MMP16: variants seen among roughly 807,000 people sequenced by gnomAD.
MMP16 encodes the protein matrix metalloproteinase-16.
A neutral mutation model predicts 67.8 loss-of-function variants in MMP16; 12 were observed. The ratio of observed to expected loss-of-function variants is 0.18; its 90% CI spans 0.11 to 0.29. The LOEUF is 0.29. Among genes scored for constraint, MMP16 ranks in the 10% least tolerant of loss-of-function variants. The pLI is 1.00. For synonymous variants in MMP16, 249 were observed against 255.9 expected (o/e 0.97, Z 0.26); for missense variants, 475 against 765.7 (o/e 0.62, Z 4.48).
chr8:88,206,747 G>C (rs1293324589), intron 1 of MMP16, among the ~76,000 whole-genome samples: 1 of 152,164 alleles, frequency 6.6e-6, no homozygotes, highest in Non-Finnish European at 1.5e-5. Context: ...CCAGAAATAT[G>C]CTGTAGGAAC....
chr8:88,106,162 C>T (rs2118395846), intron 6 of MMP16, among the ~76,000 whole-genome samples: 1 of 151,022 alleles, frequency 6.6e-6, no homozygotes, highest in Non-Finnish European at 1.5e-5. Flanking sequence ...ACCCCAGAGA[C>T]ACTCAGTGTT....
chr8:88,174,269 T>C (rs931527371), intron 3 of MMP16, among the ~76,000 whole-genome samples: 2 of 152,196 alleles, frequency 1.3e-5, no homozygotes, highest in African/African-American at 4.8e-5. Flanking sequence ...ATCTGTCCCA[T>C]TGGCCATTTG....
chr8:88,253,133 A>G (rs1810251384), intron 1 of MMP16, among the ~76,000 whole-genome samples: 1 of 152,118 alleles, frequency 6.6e-6, no homozygotes, highest in Non-Finnish European at 1.5e-5. Context: ...TAGAAACACA[A>G]CTAGAATGCA....
At chr8:88,297,577 A>G (rs1263681538) in intron 1 of MMP16, among the ~76,000 whole-genome samples, 4 of 152,214 alleles carry the variant, frequency 2.6e-5, no homozygotes, top group Non-Finnish European at 5.9e-5. Flanking sequence ...GGTCTGCCAG[A>G]GAGGGTCTTG....
chr8:88,206,275 CTA>C (rs1480569804), intron 1 of MMP16, among the ~76,000 whole-genome samples: 1 of 152,104 alleles, frequency 6.6e-6, no homozygotes, highest in African/African-American at 2.4e-5. Flanking sequence ...CAAACTGAAA[CTA>C]TATATAGAAA....
chr8:88,098,752 A>G (rs916939512), intron 6 of MMP16, among the ~76,000 whole-genome samples: 1 of 151,950 alleles, frequency 6.6e-6, no homozygotes, highest in Non-Finnish European at 1.5e-5. Flanking sequence ...ACACCTATCA[A>G]AGAAAATACA....
chr8:88,245,584 T>C (rs1028084654), intron 1 of MMP16, among the ~76,000 whole-genome samples: 2 of 152,124 alleles, frequency 1.3e-5, no homozygotes, highest in Non-Finnish European at 2.9e-5. Flanking sequence ...TGGAGACCAA[T>C]CTGTATGAGA....
intron 7 of MMP16, among the ~76,000 whole-genome samples, chr8:88,072,513 G>C (rs938127937): frequency 6.6e-6 from 1 of 152,104 alleles, no homozygotes; most frequent in Non-Finnish European, 1.5e-5. Context: ...AAATTTATTA[G>C]AGTAGGCATT....
chr8:88,285,450 G>GT lies in MMP16; in HGVS notation c.132+41624dup, dbSNP rs561144415. 6.0e-4 allele frequency among the ~76,000 whole-genome samples: 92 copies of GT among 152,110 alleles called. 2 individuals are homozygous for GT. In the South Asian group the frequency reaches 0.011, roughly 18 times the overall value. ...CCACCGTGCCCAGCTGACAGAAACTGTTTTTTTATCTTTCCCACCATTTTA... is the reference window on the plus strand; with the variant it reads ...CCACCGTGCCCAGCTGACAGAAACTGTTTTTTTTATCTTTCCCACCATTTTA... On this transcript the variant is annotated intron_variant, in intron 1 of 9. Transcript: ENST00000286614.
chr8:88,307,642 T>C (rs999443429), intron 1 of MMP16, among the ~76,000 whole-genome samples: 2 of 151,958 alleles, frequency 1.3e-5, no homozygotes, highest in East Asian at 3.9e-4. Flanking sequence ...TGAGTCTCCA[T>C]TTCCCTTAGT....
chr8:88,279,180 C>T (rs527262504), intron 1 of MMP16, among the ~76,000 whole-genome samples: 1 of 151,028 alleles, frequency 6.6e-6, no homozygotes, highest in Non-Finnish European at 1.5e-5. Flanking sequence ...CAAGATTGCA[C>T]CACTGCACTC....
rs564442689 is a variant in MMP16 at position 88,096,110 on chromosome 8, G to A, written c.1083+20397C>T. ...AACCCAGAGAGCTTGAAAGAAGAAC[G>A]TTGTTTATTGATTTTGGTACAAACT... is the stretch of plus-strand genomic sequence containing the variant. On this transcript the variant is annotated intron_variant, in intron 6 of 9. Transcript: ENST00000286614. Among the ~76,000 whole-genome samples the A allele has an allele frequency of 7.2e-5, 11 of 152,020 alleles. No individual in the cohort carries two copies. The East Asian group carries it at 1.7e-3, about 24-fold the overall frequency.
At chr8:88,184,323 TATCTC>T (rs1809032074) in intron 3 of MMP16, among the ~76,000 whole-genome samples, 1 of 151,998 alleles carries the variant, frequency 6.6e-6, no homozygotes, top group South Asian at 2.1e-4. Flanking sequence ...AAATCTAACA[TATCTC>T]ATCCAAGGTT....
intron 1 of MMP16, among the ~76,000 whole-genome samples, chr8:88,268,967 C>T (rs998279852): frequency 1.3e-5 from 2 of 152,108 alleles, no homozygotes; most frequent in Non-Finnish European, 2.9e-5. Context: ...GAGTTTCTCA[C>T]AGCACCTTGG....
At chr8:88,120,432 T>A (rs1030211914) in intron 4 of MMP16, among the ~76,000 whole-genome samples, 2 of 151,928 alleles carry the variant, frequency 1.3e-5, no homozygotes, top group African/African-American at 4.8e-5. Context: ...AATACAAATC[T>A]GATAACCATG....
At chr8:88,141,635 C>T (rs1013734656) in intron 4 of MMP16, among the ~76,000 whole-genome samples, 40 of 152,090 alleles carry the variant, frequency 2.6e-4, no homozygotes, top group Non-Finnish European at 4.6e-4. Flanking sequence ...AATAAAAATT[C>T]ACCTATGGCA....
chr8:88,287,341 T>A (rs1205500371), intron 1 of MMP16, among the ~76,000 whole-genome samples: 1 of 152,218 alleles, frequency 6.6e-6, no homozygotes, highest in Non-Finnish European at 1.5e-5. Flanking sequence ...ACCCTCTTCA[T>A]ATTTTAAATA....
At chr8:88,282,086 G>A (rs974760496) in intron 1 of MMP16, among the ~76,000 whole-genome samples, 3 of 148,376 alleles carry the variant, frequency 2.0e-5, no homozygotes, top group East Asian at 3.9e-4. Context: ...CTTTTTTGGG[G>A]GGGGGGGGGC....
At chr8:88,197,910 T>C (rs750056874) in intron 1 of MMP16, among the ~76,000 whole-genome samples, 3 of 152,218 alleles carry the variant, frequency 2.0e-5, no homozygotes, top group Admixed American at 6.5e-5. Flanking sequence ...CATTTATTTA[T>C]GGTGACTCAC....
Sources: allele counts gnomAD v4.1 joint callset (sites outside exome capture counted in the v4.1 genomes callset), GRCh38; gene constraint gnomAD v4.1.1; transcripts MANE v1.5; gene names NCBI Gene and HGNC (gene_info 2026-07-23, HGNC 2026-07-21).